Variants in SLC6A4 observed in about 807,000 individuals in gnomAD.
SLC6A4 encodes the protein solute carrier family 6 member 4.
In SLC6A4, 22 loss-of-function variants were observed where a neutral mutation model predicts 73.4. That is an observed-to-expected ratio of 0.30 (90% CI 0.21 to 0.43). The LOEUF is 0.43. Ranked by LOEUF, SLC6A4 falls within the 20% of genes least tolerant of loss-of-function variation. The pLI is 1.00. For missense variants in SLC6A4, 593 were observed against 808.5 expected, an observed-to-expected ratio of 0.73 and a Z score of 3.23; for synonymous variants, 270 against 315.5, an observed-to-expected ratio of 0.86 and a Z score of 1.53.
intron 12 of SLC6A4, 140 bp from the exon 13 acceptor site, chr17:30,207,972 AC>A: frequency 1.6e-6 from 1 of 629,434 alleles, no homozygotes; most frequent in Non-Finnish European, 2.8e-6. Flanking sequence ...CGGAATTCCT[AC>A]CCCGGACACA....
intron 1 of SLC6A4, among the ~76,000 whole-genome samples, chr17:30,233,113 A>G (rs1249907302): frequency 6.6e-6 from 1 of 152,168 alleles, no homozygotes; most frequent in Non-Finnish European, 1.5e-5. Flanking sequence ...ATTCCCTGTA[A>G]GAGCAAGGGA....
chr17:30,208,729 T>C (rs1434863933), intron 12 of SLC6A4, among the ~76,000 whole-genome samples: 1 of 152,218 alleles, frequency 6.6e-6, no homozygotes, highest in Non-Finnish European at 1.5e-5. Flanking sequence ...TCTCACTCTG[T>C]TGTCCAGACT....
At position 30,218,240 on chromosome 17, in the gene SLC6A4, C is replaced by T. The variant is rs927827964; in HGVS notation, c.576G>A (p.Thr192=). 12 of 1,613,910 alleles carry T rather than the reference C, an allele frequency of 7.4e-6. No individual in the cohort carries two copies. Among genetic ancestry groups the T allele is most frequent in the Non-Finnish European group, 1.0e-5 (12 of 1,179,990 alleles). Residue 192 remains threonine (T), a synonymous_variant, in exon 5 of 15, where the codon ACG becomes ACA. Transcript: ENST00000650711. ...WALYYLISSF[T]DQLPWTSCKN... ...TGCAGCTGGTCCAGGGCAGCTGGTC[C>T]GTGAAGGAGGAGATGAGGTAGTATA...
At chr17:30,222,704 T>C (rs1239675628) in intron 2 of SLC6A4, 115 bp downstream of exon 2, 5 of 898,052 alleles carry the variant, frequency 5.6e-6, no homozygotes, top group Admixed American at 2.3e-5. Flanking sequence ...CCTAGGAAGG[T>C]TGGGGCAGAT....
At chr17:30,201,358 C>T (rs749243508) in intron 14 of SLC6A4, among the ~76,000 whole-genome samples, 25 of 152,154 alleles carry the variant, frequency 1.6e-4, no homozygotes, top group Non-Finnish European at 4.4e-5. Flanking sequence ...GGTGGCCCCT[C>T]GTGAAGACGC....
In SLC6A4 at chr17:30,221,897, C is replaced by T. The variant is rs1452608078; in HGVS notation, c.62G>A (p.Cys21Tyr). ...CTTCTGTAGAACTCCGTTTTCCTGA[C>T]AATCTTCTCCATCTTCACACGCTGA... ...QLSACEDGED[C>Y]QENGVLQKVV... The change falls in exon 3 of 15, where the codon TGT becomes TAT. Residue 21 changes from cysteine to tyrosine, a missense_variant. Cys to Tyr is a radical substitution (Grantham distance 194). Transcript: ENST00000650711. The T allele has an allele frequency of 3.1e-6, 5 of 1,614,188 alleles. No individual in the cohort carries two copies. In the South Asian group the frequency reaches 5.5e-5, roughly 18 times the overall value.
intron 1 of SLC6A4, among the ~76,000 whole-genome samples, chr17:30,230,095 A>AGAAGAAGAAGAG (rs1288713816): frequency 1.0e-4 from 12 of 118,290 alleles, no homozygotes; most frequent in South Asian, 7.6e-4. Context: ...AAGAAGAAGA[A>AGAAGAAGAAGAG]GAGGAGGAAG....
intron 14 of SLC6A4, among the ~76,000 whole-genome samples, chr17:30,199,131 A>C (rs1905952656): frequency 6.6e-6 from 1 of 152,236 alleles, no homozygotes; most frequent in Admixed American, 6.5e-5. Flanking sequence ...CTTCTAATGC[A>C]ACATTGTGTT....
chr17:30,209,091 G>A (rs1906300638), intron 12 of SLC6A4, 52 bp downstream of exon 12: 2 of 1,288,172 alleles, frequency 1.6e-6, no homozygotes, highest in African/African-American at 2.9e-5. Context: ...CTTTGCTACT[G>A]TGCTGGCTGA....
chr17:30,215,970 G>T, intron 7 of SLC6A4, 112 bp downstream of exon 7: 1 of 967,518 alleles, frequency 1.0e-6, no homozygotes, highest in Non-Finnish European at 1.6e-6. Context: ...TATCATTGCA[G>T]ACTTGCACAC....
intron 14 of SLC6A4, among the ~76,000 whole-genome samples, chr17:30,200,935 C>G (rs764547379): frequency 3.3e-5 from 5 of 152,074 alleles, no homozygotes; most frequent in Non-Finnish European, 5.9e-5. Flanking sequence ...GTGCCCGCCA[C>G]CACACCCGGC....
At chr17:30,199,738 T>A (rs929733580) in intron 14 of SLC6A4, among the ~76,000 whole-genome samples, 1 of 152,094 alleles carries the variant, frequency 6.6e-6, no homozygotes, top group Non-Finnish European at 1.5e-5. Flanking sequence ...AAAGGAGTCA[T>A]CCGTTTAAAA....
Position 30,218,187 on chromosome 17 carries a change from G to T in SLC6A4, c.629C>A (p.Thr210Asn), listed in dbSNP as rs1391771916. 6.2e-7 allele frequency: 1 copy of T among 1,614,210 alleles called. No individual in the cohort carries two copies. Among genetic ancestry groups the T allele is most frequent in the African/African-American group, 1.3e-5 (1 of 75,056 alleles). Residue 210 changes from threonine to asparagine, a missense_variant, in exon 5 of 15, where the codon ACC becomes AAC. Thr to Asn is a moderately conservative substitution (Grantham distance 65). Coordinates refer to ENST00000650711, the MANE Select transcript of SLC6A4 (RefSeq NM_001045.6). ...CKNSWNTGNCTNYFSEDNITW... is the reference protein window; with the variant it reads ...CKNSWNTGNCNNYFSEDNITW... Reference sequence around the variant, plus strand: ...GATGTTGTCCTCGGAGAAGTAATTGGTGCAGTTGCCAGTGTTCCAGGAGTT... The same window carrying T: ...GATGTTGTCCTCGGAGAAGTAATTGTTGCAGTTGCCAGTGTTCCAGGAGTT...
At chr17:30,218,990 C>A in intron 3 of SLC6A4, 59 bp from the exon 4 acceptor site, 11 of 1,602,384 alleles carry the variant, frequency 6.9e-6, no homozygotes, top group South Asian at 3.3e-5. Context: ...GATAGCCCAA[C>A]CAATCTGTGA....
In SLC6A4 at chr17:30,211,976, G is replaced by T. The variant is rs1174142093; in HGVS notation, c.1205-552C>A. Among the ~76,000 whole-genome samples the T allele has an allele frequency of 6.6e-6, 1 of 152,092 alleles. No homozygotes were observed. Among genetic ancestry groups the T allele is most frequent in the South Asian group, 2.1e-4 (1 of 4,812 alleles). ...GGGGTGCCCTCGTTTGGGGTATGGG[G>T]TTGGTCAAAGCACCGAATCAGGCCA... On this transcript the variant is annotated intron_variant, in intron 9 of 14. Coordinates refer to ENST00000650711, the MANE Select transcript of SLC6A4 (RefSeq NM_001045.6). The surrounding 1 kb of genome is among the most constrained non-coding windows in gnomAD (Gnocchi z 4.0).
intron 14 of SLC6A4, among the ~76,000 whole-genome samples, chr17:30,199,345 G>A (rs1249131830): frequency 1.3e-5 from 2 of 151,980 alleles, no homozygotes; most frequent in Non-Finnish European, 2.9e-5. Context: ...ACACTGCAGA[G>A]GCTTTGAAAA....
chr17:30,212,941 C>A (rs1906434718), intron 8 of SLC6A4, 74 bp from the exon 9 acceptor site: 1 of 1,526,952 alleles, frequency 6.5e-7, no homozygotes, highest in Admixed American at 1.8e-5. Context: ...TGTCCGTGTG[C>A]CTGCCCTGCC....
At chr17:30,219,869 G>A (rs898398270) in intron 3 of SLC6A4, among the ~76,000 whole-genome samples, 2 of 152,212 alleles carry the variant, frequency 1.3e-5, no homozygotes, top group African/African-American at 4.8e-5. Flanking sequence ...AAAGGTCCAT[G>A]TAATTTACAG....
At chr17:30,230,101 G>A (rs374900854) in intron 1 of SLC6A4, among the ~76,000 whole-genome samples, 16,349 of 88,016 alleles carry the variant, frequency 0.19, 1,168 homozygotes, top group African/African-American at 0.21. Flanking sequence ...AAGAAGAGGA[G>A]GAAGAGGAAG....
Sources: gnomAD v4.1 joint callset for allele counts (sites outside exome capture counted in the v4.1 genomes callset) on GRCh38, gnomAD v4.1.1 for gene constraint, Gnocchi (gnomAD v3.1) non-coding constraint, MANE v1.5 for transcripts, NCBI Gene and HGNC (gene_info 2026-07-23, HGNC 2026-07-21) for gene names.